FER1L6: variants seen among roughly 807,000 people sequenced by gnomAD.
FER1L6 encodes the protein fer-1 like family member 6.
Under a neutral mutation model 219.2 loss-of-function variants are expected in FER1L6, and 177 were observed. The ratio of observed to expected loss-of-function variants is 0.81; its 90% CI spans 0.71 to 0.91. FER1L6 has a LOEUF of 0.91. FER1L6 is among the 40% of genes least tolerant of loss of function. FER1L6 has a pLI of 0.00. For missense variants in FER1L6, 2,153 were observed against 2,259.9 expected, an observed-to-expected ratio of 0.95 and a Z score of 0.96; for synonymous variants, 768 against 824.3, an observed-to-expected ratio of 0.93 and a Z score of 1.17.
chr8:123,886,154 A>G (rs1817197401), intron 1 of FER1L6, among the ~76,000 whole-genome samples: 1 of 152,252 alleles, frequency 6.6e-6, no homozygotes, highest in African/African-American at 2.4e-5. Context: ...AGTCTTCTCC[A>G]GTAATCCTGA....
chr8:124,091,625 T>C, intron 34 of FER1L6, 42 bp downstream of exon 34: 1 of 1,589,262 alleles, frequency 6.3e-7, no homozygotes, highest in Non-Finnish European at 8.6e-7. Context: ...GCTCTTCTTT[T>C]GAAAATCCTG....
intron 25 of FER1L6, among the ~76,000 whole-genome samples, chr8:124,062,899 C>T (rs564168807): frequency 6.6e-6 from 1 of 152,342 alleles, no homozygotes; most frequent in South Asian, 2.1e-4. Flanking sequence ...TCTATACTGC[C>T]AGTTCTGCAT....
intron 1 of FER1L6, among the ~76,000 whole-genome samples, chr8:123,936,443 T>G (rs1814004162): frequency 7.0e-6 from 1 of 143,212 alleles, no homozygotes; most frequent in African/African-American, 2.6e-5. Flanking sequence ...CATTTTTAGA[T>G]AAAAGATAAT....
intron 1 of FER1L6, among the ~76,000 whole-genome samples, chr8:123,877,597 C>T (rs530352022): frequency 5.9e-5 from 9 of 152,176 alleles, no homozygotes; most frequent in Admixed American, 2.6e-4. Flanking sequence ...TTTGGGGAAC[C>T]GTTCTCTGAG....
intron 1 of FER1L6, among the ~76,000 whole-genome samples, chr8:123,878,010 A>C (rs1817035658): frequency 6.6e-6 from 1 of 152,194 alleles, no homozygotes; most frequent in Non-Finnish European, 1.5e-5. Flanking sequence ...GATTGCTTTA[A>C]CGTTCTATTC....
chr8:123,854,133 G>A (rs966981530), intron 1 of FER1L6, among the ~76,000 whole-genome samples: 3 of 152,162 alleles, frequency 2.0e-5, no homozygotes, highest in African/African-American at 7.2e-5. Context: ...GCTCCAACAT[G>A]ATGCCACGGC....
chr8:124,082,537 T>C lies in FER1L6; in HGVS notation c.4391+79T>C, dbSNP rs1034604804. The C allele has an allele frequency of 9.5e-6, 13 of 1,363,538 alleles. No homozygotes were observed. In the East Asian group the frequency reaches 2.1e-4, roughly 22 times the overall value. The allele number at this position is 1,363,538 out of a possible 1,614,324, so 84.5% of individuals were successfully genotyped here. A position where few individuals can be genotyped will look rare whatever the true frequency, so the allele number is the denominator to read the frequency against. ...TAGGGCTCCAGACTCTGCATCCCAG[T>C]TGTCCATCTCTAGGAAGGCCAGACC... On this transcript the variant is annotated intron_variant, in intron 33 of 40. Transcript: ENST00000522917.
chr8:123,966,329 T>C (rs1289570918), intron 5 of FER1L6, 39 bp downstream of exon 5: 1 of 1,611,042 alleles, frequency 6.2e-7, no homozygotes, highest in Admixed American at 1.7e-5. Flanking sequence ...TGCACTAAGA[T>C]TCTCTTCACC....
intron 1 of FER1L6, chr8:123,939,258 A>G (rs186867160): frequency 1.6e-3 from 1,442 of 921,970 alleles, no homozygotes; most frequent in Non-Finnish European, 1.6e-3. Context: ...GTACTTTTGT[A>G]TTTTTGATAA....
intron 16 of FER1L6, 22 bp downstream of exon 16, chr8:124,017,740 CT>C (rs752086745): frequency 6.3e-7 from 1 of 1,590,156 alleles, no homozygotes; most frequent in South Asian, 1.1e-5. Flanking sequence ...TCTATTTATA[CT>C]TTGTGGACAG....
intron 3 of FER1L6, among the ~76,000 whole-genome samples, chr8:123,964,160 C>A (rs1815428226): frequency 6.6e-6 from 1 of 152,186 alleles, no homozygotes; most frequent in African/African-American, 2.4e-5. Flanking sequence ...AGGCTTTGAA[C>A]TGGCAAAAGT....
intron 1 of FER1L6, among the ~76,000 whole-genome samples, chr8:123,954,301 C>A (rs1362397962): frequency 6.6e-6 from 1 of 152,174 alleles, no homozygotes; most frequent in Non-Finnish European, 1.5e-5. Context: ...GTCTTCTCTA[C>A]AACATCCTTT....
rs1203801142 is a variant in FER1L6, at chr8:123,885,465, G to A, written c.-8+33280G>A. Among the ~76,000 whole-genome samples the A allele has an allele frequency of 3.3e-5, 5 of 152,154 alleles. No homozygotes were observed. In the South Asian group the frequency reaches 8.3e-4, roughly 25 times the overall value. On this transcript the variant is annotated intron_variant, in intron 1 of 40. Coordinates refer to ENST00000522917, the MANE Select transcript of FER1L6 (RefSeq NM_001039112.2). The stretch of plus-strand genomic sequence containing the variant: ...AAAGGGGTTAATGATAGGTAATACT[G>A]CATCTGTTTCTCCTCTAGCAGTAGT...
intron 1 of FER1L6, among the ~76,000 whole-genome samples, chr8:123,873,461 C>A (rs1451282263): frequency 2.0e-5 from 3 of 152,180 alleles, no homozygotes; most frequent in African/African-American, 4.8e-5. Context: ...TCAGTGATAG[C>A]CTTTTATTCC....
At chr8:124,012,771 C>T (rs893293929) in intron 14 of FER1L6, among the ~76,000 whole-genome samples, 6 of 152,172 alleles carry the variant, frequency 3.9e-5, no homozygotes, top group Non-Finnish European at 7.4e-5. Flanking sequence ...AGGCACGAGA[C>T]TTTGGGATAT....
At position 124,045,728 on chromosome 8, in the gene FER1L6, T is replaced by C. The variant is rs747116286; in HGVS notation, c.2590-39T>C. On this transcript the variant is annotated intron_variant, in intron 20 of 40. Coordinates refer to ENST00000522917, the MANE Select transcript of FER1L6 (RefSeq NM_001039112.2). The stretch of plus-strand genomic sequence containing the variant: ...GAACCTTAGAGCCCCTATAACTCAA[T>C]TGAATGATCTTTTGCTTTTCTTTGG... The C allele has an allele frequency of 1.1e-5, 17 of 1,611,736 alleles. No homozygotes were observed. The South Asian group carries it at 1.2e-4, about 11-fold the overall frequency.
chr8:124,053,511 G>A (rs1037947187), intron 22 of FER1L6, among the ~76,000 whole-genome samples: 1 of 152,034 alleles, frequency 6.6e-6, no homozygotes, highest in African/African-American at 2.4e-5. Context: ...AGAAGACAGG[G>A]GCTGGAAAAT....
At chr8:123,967,994 G>A (rs570892786) in intron 5 of FER1L6, among the ~76,000 whole-genome samples, 2 of 151,982 alleles carry the variant, frequency 1.3e-5, no homozygotes, top group Non-Finnish European at 2.9e-5. Flanking sequence ...AATGAGAATG[G>A]TCATTTAAAA....
At chr8:123,868,735 GC>G (rs1284547737) in intron 1 of FER1L6, among the ~76,000 whole-genome samples, 2 of 152,106 alleles carry the variant, frequency 1.3e-5, no homozygotes, top group Non-Finnish European at 2.9e-5. Flanking sequence ...TCCGGTGGGA[GC>G]CATTGTCTGC....
Sources: gnomAD v4.1 joint callset for allele counts (sites outside exome capture counted in the v4.1 genomes callset) on GRCh38, gnomAD v4.1.1 for gene constraint, MANE v1.5 for transcripts, NCBI Gene and HGNC (gene_info 2026-07-23, HGNC 2026-07-21) for gene names.